NXPH1: variants seen among roughly 807,000 people sequenced by gnomAD.
The protein encoded by NXPH1 is neurexophilin 1, also known as neurexophilin-1.
NXPH1 carries 5 observed loss-of-function variants against 23.7 expected under a neutral mutation model. The ratio of observed to expected loss-of-function variants is 0.21; its 90% CI spans 0.11 to 0.44. NXPH1 has a LOEUF of 0.44. Ranked by LOEUF, NXPH1 falls within the 20% of genes least tolerant of loss-of-function variation. The pLI, the probability that NXPH1 is intolerant of heterozygous loss-of-function variation, is 0.99. For missense variants in NXPH1, 324 were observed against 321.6 expected (o/e 1.01, Z -0.06); for synonymous variants, 144 against 122.2 (o/e 1.18, Z -1.18).
chr7:8,685,451 T>A (rs1254391082), intron 2 of NXPH1, among the ~76,000 whole-genome samples: 1 of 150,236 alleles, frequency 6.7e-6, no homozygotes, highest in Non-Finnish European at 1.5e-5. Flanking sequence ...TTTTTTTTTA[T>A]GGCTGAATAG....
At chr7:8,501,141 T>TA (rs1487292422) in intron 2 of NXPH1, among the ~76,000 whole-genome samples, 7 of 152,094 alleles carry the variant, frequency 4.6e-5, no homozygotes, top group Non-Finnish European at 1.0e-4. Context: ...CTGTCACAGA[T>TA]ACGATTTTTG....
intron 2 of NXPH1, among the ~76,000 whole-genome samples, chr7:8,550,764 A>G (rs562978718): frequency 8.6e-4 from 131 of 151,654 alleles, no homozygotes; most frequent in African/African-American, 2.9e-3. Context: ...TGGATCTTGT[A>G]TTTCACTTAA....
intron 2 of NXPH1, among the ~76,000 whole-genome samples, chr7:8,636,262 T>C (rs980335328): frequency 6.6e-6 from 1 of 152,226 alleles, no homozygotes; most frequent in Non-Finnish European, 1.5e-5. Flanking sequence ...TTTGTCTCTG[T>C]GTTCTTTTTA....
chr7:8,462,936 G>GA (rs1816719790), intron 2 of NXPH1, among the ~76,000 whole-genome samples: 1 of 152,088 alleles, frequency 6.6e-6, no homozygotes, highest in African/African-American at 2.4e-5. Flanking sequence ...CTCAAAGTTT[G>GA]AAGAGACATT....
At chr7:8,516,984 A>G (rs982812650) in intron 2 of NXPH1, among the ~76,000 whole-genome samples, 1 of 152,158 alleles carries the variant, frequency 6.6e-6, no homozygotes, top group Non-Finnish European at 1.5e-5. Flanking sequence ...ATCATTGAAC[A>G]TCTAAGAAAG....
At chr7:8,725,880 A>T (rs928715288) in intron 2 of NXPH1, among the ~76,000 whole-genome samples, 10 of 151,976 alleles carry the variant, frequency 6.6e-5, no homozygotes, top group African/African-American at 2.4e-4. Flanking sequence ...CATGCACAAT[A>T]CTCTGATCAG....
intron 2 of NXPH1, among the ~76,000 whole-genome samples, chr7:8,460,992 C>A (rs1816685314): frequency 6.6e-6 from 1 of 152,150 alleles, no homozygotes; most frequent in African/African-American, 2.4e-5. Flanking sequence ...GTGTTTGGAT[C>A]TTTTCAATAT....
chr7:8,698,207 G>T (rs149683162), intron 2 of NXPH1, among the ~76,000 whole-genome samples: 1 of 152,188 alleles, frequency 6.6e-6, no homozygotes, highest in African/African-American at 2.4e-5. Context: ...AATATTCCAT[G>T]TGTTGTTTGA....
chr7:8,665,758 A>G (rs1820750392), intron 2 of NXPH1, among the ~76,000 whole-genome samples: 1 of 145,016 alleles, frequency 6.9e-6, no homozygotes, highest in African/African-American at 2.5e-5. Context: ...AAAGTATTTT[A>G]TTTTTTGGTA....
At chr7:8,523,074 G>A (rs926011263) in intron 2 of NXPH1, among the ~76,000 whole-genome samples, 7 of 152,212 alleles carry the variant, frequency 4.6e-5, no homozygotes, top group African/African-American at 1.4e-4. Flanking sequence ...GCTAAGAGAG[G>A]ATGTGTTTCA....
chr7:8,473,915 T>C (rs1816917618), intron 2 of NXPH1, among the ~76,000 whole-genome samples: 1 of 152,132 alleles, frequency 6.6e-6, no homozygotes, highest in African/African-American at 2.4e-5. Flanking sequence ...TCAGATTTCA[T>C]TTTCCACTTG....
At chr7:8,570,789 T>G (rs146590031) in intron 2 of NXPH1, among the ~76,000 whole-genome samples, 142 of 151,816 alleles carry the variant, frequency 9.4e-4, no homozygotes, top group African/African-American at 3.0e-3. Flanking sequence ...GTCTTTGGAA[T>G]GGAAAGGAAC....
At chr7:8,684,462 C>T (rs1267161564) in intron 2 of NXPH1, among the ~76,000 whole-genome samples, 1 of 152,126 alleles carries the variant, frequency 6.6e-6, no homozygotes, top group Non-Finnish European at 1.5e-5. Flanking sequence ...CTCCTTCCTT[C>T]AGTATGTTTT....
chr7:8,679,746 G>C (rs1467861745), intron 2 of NXPH1, among the ~76,000 whole-genome samples: 1 of 152,230 alleles, frequency 6.6e-6, no homozygotes, highest in Non-Finnish European at 1.5e-5. Context: ...AGCTAGGCTG[G>C]GCGCAGTGGC....
chr7:8,552,114 C>CAAAAAAAAAAAAAAAAAA (rs34390317), intron 2 of NXPH1, among the ~76,000 whole-genome samples: 1 of 61,746 alleles, frequency 1.6e-5, no homozygotes, highest in African/African-American at 7.0e-5. Flanking sequence ...GAAAAAAAAC[C>CAAAAAAAAAAAAAAAAAA]AAAAAAAAAA....
chr7:8,726,473 C>T (rs1395008655), intron 2 of NXPH1, among the ~76,000 whole-genome samples: 4 of 141,074 alleles, frequency 2.8e-5, no homozygotes, highest in South Asian at 2.4e-4. Context: ...CTCCCAATGC[C>T]GTCCCTCCCC....
chr7:8,732,536 A>G (rs536995653), intron 2 of NXPH1, among the ~76,000 whole-genome samples: 1 of 152,348 alleles, frequency 6.6e-6, no homozygotes, highest in Non-Finnish European at 1.5e-5. Flanking sequence ...TCTTCCTGAA[A>G]GGCATCTGTA....
intron 2 of NXPH1, among the ~76,000 whole-genome samples, chr7:8,562,507 A>C (rs1584233828): frequency 6.7e-6 from 1 of 150,234 alleles, no homozygotes; most frequent in Non-Finnish European, 1.5e-5. Context: ...GGTGATAATG[A>C]AATGAGTTTT....
chr7:8,472,543 A>G (rs982013977), intron 2 of NXPH1, among the ~76,000 whole-genome samples: 3 of 152,090 alleles, frequency 2.0e-5, no homozygotes, highest in Admixed American at 1.3e-4. Context: ...TTTTGCCTCT[A>G]GTGCTGTCAG....
Sources: gnomAD v4.1 joint callset for allele counts (sites outside exome capture counted in the v4.1 genomes callset) on GRCh38, gnomAD v4.1.1 for gene constraint, MANE v1.5 for transcripts, NCBI Gene and HGNC (gene_info 2026-07-23, HGNC 2026-07-21) for gene names.